The following CCDC186 variants were observed in gnomAD, a reference collection of about 807,000 sequenced individuals.
CCDC186 encodes the protein coiled-coil domain containing 186, also known as coiled-coil domain-containing protein 186.
CCDC186 carries 49 observed loss-of-function variants against 113.7 expected under a neutral mutation model. That is an observed-to-expected ratio of 0.43 (90% CI 0.34 to 0.55). The LOEUF (loss-of-function observed/expected upper bound fraction) is 0.55, where lower values mean the gene tolerates loss of function less well. CCDC186 is among the 20% of genes least tolerant of loss of function. The pLI is 0.02. For missense variants in CCDC186, 890 were observed against 1,011.1 expected, an observed-to-expected ratio of 0.88 and a Z score of 1.62; for synonymous variants, 355 against 345.8, an observed-to-expected ratio of 1.03 and a Z score of -0.30.
rs1453499327 is a variant in CCDC186 at position 114,123,043 on chromosome 10, T to C, written c.*2100A>G. The C allele has an allele frequency of 6.6e-6, 1 of 152,544 alleles. No individual in the cohort carries two copies. Among genetic ancestry groups the C allele is most frequent in the East Asian group, 1.9e-4 (1 of 5,196 alleles). The allele number at this position is 152,544 out of a possible 1,614,324, so 9.4% of individuals were successfully genotyped here. On this transcript the variant is annotated 3_prime_UTR_variant, in exon 16 of 16. Transcript: ENST00000369287. ...TCAGATCACTATTTGGTCTCCATTA[T>C]ACATTTTGTGCCTTGGGGAAAAAAA...
At chr10:114,172,471 A>G (rs2032521467) in intron 1 of CCDC186, among the ~76,000 whole-genome samples, 1 of 152,242 alleles carries the variant, frequency 6.6e-6, no homozygotes, top group African/African-American at 2.4e-5. Flanking sequence ...GGTCACTGTG[A>G]TACACACCAG....
chr10:114,173,543 G>C (rs1445985775), intron 1 of CCDC186, among the ~76,000 whole-genome samples: 1 of 152,228 alleles, frequency 6.6e-6, no homozygotes, highest in Non-Finnish European at 1.5e-5. Context: ...TAGAATCACA[G>C]TAATGGAAGT....
At chr10:114,140,266 G>C (rs1419215802) in intron 6 of CCDC186, among the ~76,000 whole-genome samples, 1 of 152,216 alleles carries the variant, frequency 6.6e-6, no homozygotes, top group Non-Finnish European at 1.5e-5. Context: ...CCTGGGGAAA[G>C]TCTCATTGAG....
intron 1 of CCDC186, among the ~76,000 whole-genome samples, chr10:114,167,024 T>A (rs921536873): frequency 7.3e-5 from 11 of 151,280 alleles, no homozygotes; most frequent in Non-Finnish European, 1.0e-4. Flanking sequence ...GGTTTTTTTT[T>A]TTTTTTTTTT....
intron 12 of CCDC186, chr10:114,130,484 A>C (rs1376077894): frequency 1.3e-5 from 2 of 152,452 alleles, no homozygotes; most frequent in Non-Finnish European, 2.9e-5. Flanking sequence ...TAGCACAGAC[A>C]CCCAATGACT....
At chr10:114,156,740 A>T (rs1372556578) in intron 3 of CCDC186, among the ~76,000 whole-genome samples, 1 of 152,212 alleles carries the variant, frequency 6.6e-6, no homozygotes, top group African/African-American at 2.4e-5. Context: ...AGAAAAAACA[A>T]AAAATAAATT....
In CCDC186 at chr10:114,139,031, T is replaced by C. The variant is rs75146654; in HGVS notation, c.1222-1741A>G. Among the ~76,000 whole-genome samples, 432 of 152,350 alleles carry C rather than the reference T, an allele frequency of 2.8e-3. 2 individuals are homozygous for C. The highest frequency in any genetic ancestry group is 5.0e-3 in the Non-Finnish European group (338 of 68,024). ...TTCTAATGATCAATACATTATACTA[T>C]AGCTTATATGTTCCCCTAATACAGC... On this transcript the variant is annotated intron_variant, in intron 6 of 15. Coordinates refer to ENST00000369287, the MANE Select transcript of CCDC186 (RefSeq NM_018017.4).
chr10:114,126,590 C>A (rs778304230), intron 14 of CCDC186, among the ~76,000 whole-genome samples: 22 of 152,166 alleles, frequency 1.4e-4, no homozygotes, highest in African/African-American at 5.3e-4. Context: ...TCAAGCAATC[C>A]TCCTGCCTCG....
In CCDC186 at chr10:114,121,219, C is replaced by T. The variant is rs2030711905; in HGVS notation, c.*3924G>A. The T allele has an allele frequency of 6.6e-6, 1 of 151,950 alleles. No homozygotes were observed. The highest frequency in any genetic ancestry group is 2.4e-5 in the African/African-American group (1 of 41,358). 9.4% of individuals were successfully genotyped at this position (151,950 alleles called of 1,614,324 possible). ...GAAAAATTTCAGGTTTCTAGTGCCA[C>T]CAACTGGTGTTAATTAAAAATCAAC... On this transcript the variant is annotated 3_prime_UTR_variant, in exon 16 of 16. Coordinates refer to ENST00000369287, the MANE Select transcript of CCDC186 (RefSeq NM_018017.4).
At chr10:114,173,178 T>G (rs1248945618) in intron 1 of CCDC186, 6 of 455,872 alleles carry the variant, frequency 1.3e-5, no homozygotes, top group Admixed American at 1.2e-4. Flanking sequence ...TATTCTCTCT[T>G]CTGATTTCCA....
intron 2 of CCDC186, among the ~76,000 whole-genome samples, chr10:114,159,461 G>T (rs1314991687): frequency 6.6e-6 from 1 of 151,884 alleles, no homozygotes. Flanking sequence ...TGGCAAACAT[G>T]GTGAAACCCC....
chr10:114,151,077 C>T lies in CCDC186; in HGVS notation c.888+15G>A, dbSNP rs746435054. ...CAGAATATCAAGTTAATAATGACAACGATGTGAGAAATACCTGTTCCATCC... is the reference window on the plus strand; with the variant it reads ...CAGAATATCAAGTTAATAATGACAATGATGTGAGAAATACCTGTTCCATCC... On this transcript the variant is annotated intron_variant, in intron 4 of 15. Transcript: ENST00000369287. 2.9e-5 allele frequency: 46 copies of T among 1,605,644 alleles called. No individual in the cohort carries two copies. The Middle Eastern group carries it at 5.0e-4, about 17-fold the overall frequency.
rs753863605 is a variant in CCDC186 at position 114,145,792 on chromosome 10, A to G, written c.889-31T>C. 15 of 1,519,582 alleles carry G rather than the reference A, an allele frequency of 9.9e-6. 1 individual carries two copies. The South Asian group carries it at 1.9e-4, about 19-fold the overall frequency. 94.1% of individuals were successfully genotyped at this position (1,519,582 alleles called of 1,614,324 possible). A position where few individuals can be genotyped will look rare whatever the true frequency, so the allele number is the denominator to read the frequency against. On this transcript the variant is annotated intron_variant, in intron 4 of 15. Transcript: ENST00000369287. ...AAAAAAATATTACTTAGCATTAATG[A>G]AAAATAATGTTTCAAATGGAAATGT... is the stretch of plus-strand genomic sequence containing the variant.
rs201053702 is a variant in CCDC186 at position 114,135,181 on chromosome 10, G to A, written c.1513-126C>T. The A allele has an allele frequency of 8.4e-6, 8 of 953,168 alleles. No individual in the cohort carries two copies. In the East Asian group the frequency reaches 1.9e-4, roughly 23 times the overall value. The allele number at this position is 953,168 out of a possible 1,614,324, so 59.0% of individuals were successfully genotyped here. On this transcript the variant is annotated intron_variant, in intron 9 of 15. Transcript: ENST00000369287. The stretch of plus-strand genomic sequence containing the variant: ...ACCATTAACGTGAAGAAAATATAAT[G>A]CGAAGTTTACAATCCTAGCTTTTAG...
In CCDC186 at chr10:114,151,223, G is replaced by A; in HGVS notation, c.760-3C>T. On this transcript the variant is annotated splice_polypyrimidine_tract_variant and splice_region_variant and intron_variant, in intron 3 of 15. Transcript: ENST00000369287. ...AGTTCTTCTATTCTTGATTCTAACT[G>A]TAAAGAAAATTATTTCCAAATTATT... The A allele has an allele frequency of 1.3e-6, 2 of 1,521,844 alleles. No homozygotes were observed. Among genetic ancestry groups the A allele is most frequent in the Non-Finnish European group, 1.8e-6 (2 of 1,104,876 alleles). 94.3% of individuals were successfully genotyped at this position (1,521,844 alleles called of 1,614,324 possible).
chr10:114,157,345 A>G (rs1217659302), intron 3 of CCDC186, among the ~76,000 whole-genome samples: 1 of 150,716 alleles, frequency 6.6e-6, no homozygotes, highest in Non-Finnish European at 1.5e-5. Context: ...TACCATATGC[A>G]GCTAATTTTC....
At chr10:114,155,092 G>C (rs1589625833) in intron 3 of CCDC186, among the ~76,000 whole-genome samples, 1 of 152,282 alleles carries the variant, frequency 6.6e-6, no homozygotes, top group East Asian at 1.9e-4. Context: ...AGTACTGTTG[G>C]AGGCAAATGA....
intron 14 of CCDC186, 58 bp from the exon 15 acceptor site, chr10:114,126,163 C>G (rs2030894960): frequency 7.5e-7 from 1 of 1,340,350 alleles, no homozygotes; most frequent in Non-Finnish European, 1.0e-6. Flanking sequence ...AAAATGGAAT[C>G]TGCAAAAGTC....
intron 11 of CCDC186, among the ~76,000 whole-genome samples, chr10:114,131,691 C>A (rs1030387449): frequency 6.6e-6 from 1 of 152,064 alleles, no homozygotes; most frequent in Non-Finnish European, 1.5e-5. Flanking sequence ...TCAGGAAGGA[C>A]ACAAACCAGT....
Sources: allele counts gnomAD v4.1 joint callset (sites outside exome capture counted in the v4.1 genomes callset), GRCh38; gene constraint gnomAD v4.1.1; transcripts MANE v1.5; gene names NCBI Gene and HGNC (gene_info 2026-07-23, HGNC 2026-07-21).